Variants in NCR1 observed in about 807,000 individuals in gnomAD.
The protein encoded by NCR1 is natural cytotoxicity triggering receptor 1.
NCR1 carries 30 observed loss-of-function variants against 32.5 expected under a neutral mutation model. That is an observed-to-expected ratio of 0.92 (90% CI 0.69 to 1.25). The LOEUF (loss-of-function observed/expected upper bound fraction) is 1.25, where lower values mean the gene tolerates loss of function less well. Ranked by LOEUF, NCR1 falls within the 50% of genes most tolerant of loss-of-function variation. NCR1 has a pLI of 0.00. For missense variants in NCR1, 369 were observed against 380.7 expected (o/e 0.97, Z 0.26); for synonymous variants, 169 against 143.4 (o/e 1.18, Z -1.28).
chr19:54,903,348 A>G (rs953908434), upstream of NCR1, among the ~76,000 whole-genome samples: 16 of 121,366 alleles, frequency 1.3e-4, 1 homozygote, highest in African/African-American at 4.7e-4. Flanking sequence ...ATATACATAT[A>G]TGCATATATA....
downstream of NCR1, among the ~76,000 whole-genome samples, chr19:54,918,097 G>A (rs113801576): frequency 5.5e-3 from 829 of 151,722 alleles, 6 homozygotes; most frequent in African/African-American, 0.018. Flanking sequence ...CACCTAGCCC[G>A]GCTAATTTTT....
At chr19:54,920,092 A>G (rs1787365383), downstream of NCR1, among the ~76,000 whole-genome samples, 1 of 152,212 alleles carries the variant, frequency 6.6e-6, no homozygotes, top group Non-Finnish European at 1.5e-5. Context: ...TTCTTGTTTT[A>G]TATTTTATTA....
the NCR1 span, among the ~76,000 whole-genome samples, chr19:54,936,641 G>C: frequency 6.6e-6 from 1 of 151,656 alleles, no homozygotes; most frequent in African/African-American, 2.4e-5. Context: ...GGGCAACATG[G>C]TGAAACTCCA....
At chr19:54,937,143 G>A in the NCR1 span, among the ~76,000 whole-genome samples, 5 of 149,156 alleles carry the variant, frequency 3.4e-5, no homozygotes, top group Admixed American at 6.7e-5. Flanking sequence ...GCATGAACCC[G>A]GGAGGCAGGG....
downstream of NCR1, among the ~76,000 whole-genome samples, chr19:54,916,939 C>T (rs373187345): frequency 6.6e-6 from 1 of 151,912 alleles, no homozygotes; most frequent in Non-Finnish European, 1.5e-5. Context: ...GCTCCCCACC[C>T]GCTAGAAACT....
At chr19:54,937,942 A>C in the NCR1 span, 1 of 869,100 alleles carries the variant, frequency 1.2e-6, no homozygotes, top group Non-Finnish European at 1.9e-6. Flanking sequence ...AAATCCCCAA[A>C]TACATGGAGA....
chr19:54,906,732 G>A lies in NCR1; in HGVS notation c.280G>A (p.Gly94Arg), dbSNP rs749932090. 8 of 1,614,088 alleles carry A rather than the reference G, an allele frequency of 5.0e-6. No individual in the cohort carries two copies. In the African/African-American group the frequency reaches 1.1e-4, roughly 22 times the overall value. ...YIPDMNSRMA[G>R]QYSCIYRVGE... is the part of the protein sequence containing the mutation. ...CCCGGACATGAACTCCCGCATGGCAGGGCAATACAGCTGCATCTATCGGGT... is the reference window on the plus strand; with the variant it reads ...CCCGGACATGAACTCCCGCATGGCAAGGCAATACAGCTGCATCTATCGGGT... The change falls in exon 3 of 7, where the codon GGG (glycine) becomes AGG (arginine). Residue 94 changes from glycine (G) to arginine (R), a missense_variant. Physicochemically the swap from Gly to Arg is moderately radical, Grantham distance 125. Coordinates refer to ENST00000291890, the MANE Select transcript of NCR1 (RefSeq NM_004829.7).
At chr19:54,922,945 A>G in the NCR1 span, among the ~76,000 whole-genome samples, 1 of 151,518 alleles carries the variant, frequency 6.6e-6, no homozygotes, top group African/African-American at 2.4e-5. Context: ...GACACAGAGA[A>G]ACAAAGAGAG....
chr19:54,906,160 T>G lies in NCR1; in HGVS notation c.-28T>G. ...GCCCGCCCGGCTCAGTCCCCACTGCTCAGCACTAGGCCGGCAGAATCTGAG... is the reference window on the plus strand; with the variant it reads ...GCCCGCCCGGCTCAGTCCCCACTGCGCAGCACTAGGCCGGCAGAATCTGAG... On this transcript the variant is annotated 5_prime_UTR_variant, in exon 1 of 7. Coordinates refer to ENST00000291890, the MANE Select transcript of NCR1 (RefSeq NM_004829.7). The G allele has an allele frequency of 6.2e-7, 1 of 1,614,090 alleles. No individual in the cohort carries two copies. The highest frequency in any genetic ancestry group is 1.1e-5 in the South Asian group (1 of 91,080).
chr19:54,933,797 G>A, the NCR1 span: 1 of 1,427,948 alleles, frequency 7.0e-7, no homozygotes, highest in East Asian at 2.3e-5. Flanking sequence ...ACTCCAACCT[G>A]CTCAGTGATG....
At chr19:54,933,310 T>C in the NCR1 span, among the ~76,000 whole-genome samples, 1 of 151,998 alleles carries the variant, frequency 6.6e-6, no homozygotes. Context: ...CACACCTGGC[T>C]AATTTTTGGT....
chr19:54,911,899 C>T (rs1014419164), intron 5 of NCR1, among the ~76,000 whole-genome samples: 18 of 150,268 alleles, frequency 1.2e-4, no homozygotes, highest in Admixed American at 8.7e-4. Flanking sequence ...GAGGCTGGAA[C>T]ACAGTGAGAC....
the NCR1 span, among the ~76,000 whole-genome samples, chr19:54,934,910 T>A: frequency 6.6e-6 from 1 of 152,132 alleles, no homozygotes; most frequent in African/African-American, 2.4e-5. This position sits in a 1 kb window ranked among gnomAD's most constrained non-coding sequence, Gnocchi z 6.7. Flanking sequence ...TTGGCCACAC[T>A]GGTCTTGAAC....
the NCR1 span, among the ~76,000 whole-genome samples, chr19:54,925,974 T>C: frequency 6.6e-6 from 1 of 150,414 alleles, no homozygotes; most frequent in Non-Finnish European, 1.5e-5. Flanking sequence ...CACTCCAGCC[T>C]GGGCGACAGA....
intron 6 of NCR1, 64 bp from the exon 7 acceptor site, chr19:54,912,599 CAAAAAAAAAAAAAAAAAAAAAAAAAAA>C (rs60025694): frequency 8.8e-5 from 33 of 375,282 alleles, no homozygotes; most frequent in African/African-American, 2.0e-4. Context: ...GGCTCTGTCT[CAAAAAAAAAAAAAAAAAAAAAAAAAAA>C]AAAAAAAAAA....
In NCR1 at chr19:54,912,844, G is replaced by A. The variant is rs374510672; in HGVS notation, c.888G>A (p.Arg296=). The A allele has an allele frequency of 1.2e-5, 19 of 1,613,708 alleles. No homozygotes were observed. The highest frequency in any genetic ancestry group is 6.6e-5 in the South Asian group (6 of 91,078). ...RASRASTWEG[R]RRLNTQTL Reference sequence around the variant, plus strand: ...GCAGAGCTTCCACTTGGGAAGGCAGGAGAAGGCTGAACACACAGACTCTTT... The same window carrying A: ...GCAGAGCTTCCACTTGGGAAGGCAGAAGAAGGCTGAACACACAGACTCTTT... The change falls in exon 7 of 7, where the codon AGG becomes AGA. Residue 296 remains arginine, a synonymous_variant. Coordinates refer to ENST00000291890, the MANE Select transcript of NCR1 (RefSeq NM_004829.7).
At chr19:54,902,379 A>C (rs982127173), upstream of NCR1, among the ~76,000 whole-genome samples, 5 of 151,720 alleles carry the variant, frequency 3.3e-5, no homozygotes, top group Non-Finnish European at 7.4e-5. Flanking sequence ...GGCTCACTGC[A>C]GCTTCTACCT....
downstream of NCR1, among the ~76,000 whole-genome samples, chr19:54,920,877 G>A (rs1051877963): frequency 1.7e-4 from 26 of 151,954 alleles, no homozygotes; most frequent in African/African-American, 5.3e-4. Context: ...AGGCCGAGGC[G>A]GGTGGCTCAC....
At chr19:54,913,959 T>G (rs780184678), downstream of NCR1, among the ~76,000 whole-genome samples, 101 of 151,100 alleles carry the variant, frequency 6.7e-4, no homozygotes, top group Admixed American at 4.8e-3. Flanking sequence ...TCCCAGCTAC[T>G]CAGGAGGCTG....
Sources: allele counts gnomAD v4.1 joint callset (sites outside exome capture counted in the v4.1 genomes callset), GRCh38; gene constraint gnomAD v4.1.1; non-coding constraint Gnocchi (gnomAD v3.1); transcripts MANE v1.5; gene names NCBI Gene and HGNC (gene_info 2026-07-23, HGNC 2026-07-21).